EBF2: variants seen among roughly 807,000 people sequenced by gnomAD.
EBF2 encodes EBF transcription factor 2.
Under a neutral mutation model 72.8 loss-of-function variants are expected in EBF2, and 21 were observed. That is an observed-to-expected ratio of 0.29 (90% confidence interval 0.20 to 0.42). The LOEUF is 0.42. Among genes scored for constraint, EBF2 ranks in the 10% least tolerant of loss-of-function variants. The pLI, the probability that EBF2 is intolerant of heterozygous loss-of-function variation, is 1.00. For synonymous variants in EBF2, 299 were observed against 274.2 expected (o/e 1.09, Z -0.89); for missense variants, 637 against 731.2 (o/e 0.87, Z 1.49).
chr8:25,877,898 A>C (rs1802549133), intron 10 of EBF2, among the ~76,000 whole-genome samples: 1 of 152,188 alleles, frequency 6.6e-6, no homozygotes. Flanking sequence ...TTCTTTGTTT[A>C]AAATACAGAT....
chr8:25,994,434 A>G (rs1585219750), intron 6 of EBF2, among the ~76,000 whole-genome samples: 1 of 152,206 alleles, frequency 6.6e-6, no homozygotes, highest in East Asian at 1.9e-4. Context: ...ACAATTTAAT[A>G]GTAATATTAA....
At chr8:25,922,861 A>G (rs1316634083) in intron 6 of EBF2, among the ~76,000 whole-genome samples, 2 of 151,754 alleles carry the variant, frequency 1.3e-5, no homozygotes, top group East Asian at 3.9e-4. Flanking sequence ...GCCAGAGACC[A>G]TTTTACTGAC....
In EBF2 at chr8:25,850,754, T is replaced by G. The variant is rs199569844; in HGVS notation, c.1536A>C (p.Ser512=). The G allele has an allele frequency of 1.3e-6, 2 of 1,557,496 alleles. No homozygotes were observed. Among genetic ancestry groups the G allele is most frequent in the Non-Finnish European group, 8.6e-7 (1 of 1,159,770 alleles). ...TGGAAGACCCAACGGTGGGACTTGA[T>G]GACATGACTGGAAAGCAAATGCACA... is the stretch of plus-strand genomic sequence containing the variant. ...SPTGSPYGIM[S]SSPTVGSSST... Residue 512 remains serine (S), a synonymous_variant, in exon 15 of 16, where the codon TCA becomes TCC. Coordinates refer to ENST00000520164, the MANE Select transcript of EBF2 (RefSeq NM_022659.4).
chr8:25,976,507 G>A (rs758791816), intron 6 of EBF2, among the ~76,000 whole-genome samples: 2 of 152,248 alleles, frequency 1.3e-5, no homozygotes, highest in East Asian at 1.9e-4. Context: ...AGTATATTTC[G>A]ACTGAGGACT....
Position 25,842,932 on chromosome 8 carries a change from G to A in EBF2, c.*1677C>T, listed in dbSNP as rs1400584435. 1.3e-5 allele frequency: 2 copies of A among 152,166 alleles called. No homozygotes were observed. The highest frequency in any genetic ancestry group is 4.8e-5 in the African/African-American group (2 of 41,434). 9.4% of individuals were successfully genotyped at this position (152,166 alleles called of 1,614,324 possible). On this transcript the variant is annotated 3_prime_UTR_variant, in exon 16 of 16. Transcript: ENST00000520164. Reference sequence around the variant, plus strand: ...ACCAAGAACCCCAAACTAAGTCTGTGTATAGACTCTATTGTGGTGCTCATG... The same window carrying A: ...ACCAAGAACCCCAAACTAAGTCTGTATATAGACTCTATTGTGGTGCTCATG...
intron 7 of EBF2, among the ~76,000 whole-genome samples, chr8:25,899,065 T>C (rs1802904012): frequency 6.6e-6 from 1 of 152,146 alleles, no homozygotes; most frequent in African/African-American, 2.4e-5. Flanking sequence ...ATTTCCTGGG[T>C]GAGTCAGTCA....
chr8:25,924,485 G>A (rs6557870), intron 6 of EBF2, among the ~76,000 whole-genome samples: 115,420 of 152,048 alleles, frequency 0.76, 43,941 homozygotes, highest in East Asian at 0.88. Flanking sequence ...CACCAAGTTA[G>A]GGAGGGATCA....
At chr8:25,989,750 C>T (rs1040062942) in intron 6 of EBF2, among the ~76,000 whole-genome samples, 5 of 152,154 alleles carry the variant, frequency 3.3e-5, no homozygotes, top group African/African-American at 1.2e-4. Context: ...ATGAGTCTCC[C>T]GTTCCGTAAG....
intron 3 of EBF2, 49 bp downstream of exon 3, chr8:26,040,890 G>A: frequency 1.7e-5 from 27 of 1,611,848 alleles, no homozygotes; most frequent in Non-Finnish European, 2.2e-5. Context: ...CGTGCGGCCC[G>A]GAAGCCGGCT....
At position 25,942,007 on chromosome 8, in the gene EBF2, C is replaced by G. The variant is rs4515556; in HGVS notation, c.552-33452G>C. On this transcript the variant is annotated intron_variant, in intron 6 of 15. Coordinates refer to ENST00000520164, the MANE Select transcript of EBF2 (RefSeq NM_022659.4). ...ATTACCTGAAGCACTGTGCTAGAGG[C>G]TGGAAATAGAAAACCATGTTCCCGT... Among the ~76,000 whole-genome samples the G allele has an allele frequency of 5.4e-3, 815 of 152,244 alleles. 5 individuals are homozygous for G. Among genetic ancestry groups the G allele is most frequent in the African/African-American group, 0.019 (781 of 41,536 alleles).
At chr8:25,850,892 G>C in intron 14 of EBF2, 131 bp from the exon 15 acceptor site, 1 of 974,248 alleles carries the variant, frequency 1.0e-6, no homozygotes, top group Non-Finnish European at 1.5e-6. Context: ...AAAAAAAAAA[G>C]TTGAATGTGA....
intron 6 of EBF2, among the ~76,000 whole-genome samples, chr8:25,922,954 G>GAAA (rs34525953): frequency 1.4e-5 from 2 of 141,920 alleles, no homozygotes; most frequent in East Asian, 2.0e-4. Context: ...ACTACTAAAG[G>GAAA]AAAAAAAAAA....
In EBF2 at chr8:25,858,510, C is replaced by T. The variant is rs1433966523; in HGVS notation, c.1343-6G>A. ...GCTTGTGTTGCGGATGTACCCTTGG[C>T]AACAAAGAAAAAGCCCAGGTAAATC... On this transcript the variant is annotated splice_region_variant and splice_polypyrimidine_tract_variant and intron_variant, in intron 13 of 15. Coordinates refer to ENST00000520164, the MANE Select transcript of EBF2 (RefSeq NM_022659.4). 2 of 1,611,412 alleles carry T rather than the reference C, an allele frequency of 1.2e-6. No individual in the cohort carries two copies.
chr8:25,885,271 A>C (rs1802671099), intron 10 of EBF2, among the ~76,000 whole-genome samples: 1 of 152,080 alleles, frequency 6.6e-6, no homozygotes, highest in South Asian at 2.1e-4. Flanking sequence ...TACCATCTTA[A>C]TCATTTTTAA....
Position 25,841,821 on chromosome 8 carries a change from T to A in EBF2, c.*2788A>T, listed in dbSNP as rs1163956325. 6.6e-6 allele frequency: 1 copy of A among 151,870 alleles called. No individual in the cohort carries two copies. The highest frequency in any genetic ancestry group is 1.5e-5 in the Non-Finnish European group (1 of 68,022). 9.4% of individuals were successfully genotyped at this position (151,870 alleles called of 1,614,324 possible). ...TTTTACAAACAAGATATTCTTTAAG[T>A]AAGACCATTAAAAACAGTAAACAAA... On this transcript the variant is annotated 3_prime_UTR_variant, in exon 16 of 16. Transcript: ENST00000520164.
At chr8:25,941,610 G>T in intron 6 of EBF2, among the ~76,000 whole-genome samples, 1 of 152,116 alleles carries the variant, frequency 6.6e-6, no homozygotes, top group Non-Finnish European at 1.5e-5. Flanking sequence ...AGGTGCAATG[G>T]GAACCATGAC....
chr8:25,915,146 G>A (rs934793493), intron 6 of EBF2, among the ~76,000 whole-genome samples: 2 of 152,102 alleles, frequency 1.3e-5, no homozygotes, highest in African/African-American at 4.8e-5. Flanking sequence ...ACCTTACAGA[G>A]GAGATAAACA....
chr8:25,971,934 G>A (rs546700567), intron 6 of EBF2, among the ~76,000 whole-genome samples: 2 of 152,246 alleles, frequency 1.3e-5, no homozygotes, highest in East Asian at 1.9e-4. Context: ...CGCCTCAGGC[G>A]GCCAGGGCCA....
At chr8:25,971,709 A>G (rs1428678115) in intron 6 of EBF2, among the ~76,000 whole-genome samples, 1 of 152,266 alleles carries the variant, frequency 6.6e-6, no homozygotes, top group Non-Finnish European at 1.5e-5. Context: ...CTGGCTAAGT[A>G]TAATGATAGA....
Sources: allele counts gnomAD v4.1 joint callset (sites outside exome capture counted in the v4.1 genomes callset), GRCh38; gene constraint gnomAD v4.1.1; transcripts MANE v1.5; gene names NCBI Gene and HGNC (gene_info 2026-07-23, HGNC 2026-07-21).